The following CD80 variants were observed in gnomAD, a reference collection of about 807,000 sequenced individuals.
CD80 encodes T-lymphocyte activation antigen CD80.
A neutral mutation model predicts 27.1 loss-of-function variants in CD80; 13 were observed. The observed-to-expected ratio is 0.48, with a 90% CI of 0.31 to 0.76. CD80 has a LOEUF of 0.76. CD80 is among the 30% of genes least tolerant of loss of function. CD80 has a pLI of 0.04. For synonymous variants in CD80, 125 were observed against 125.5 expected (o/e 1.00, Z 0.03); for missense variants, 277 against 347.9 (o/e 0.80, Z 1.62).
At chr3:119,540,783 TC>T (rs1164937276) in intron 3 of CD80, among the ~76,000 whole-genome samples, 2 of 152,170 alleles carry the variant, frequency 1.3e-5, no homozygotes. Flanking sequence ...GTGTGCTGGC[TC>T]ATGCCTGTAA....
At chr3:119,527,529 C>A in intron 6 of CD80, 1 of 469,676 alleles carries the variant, frequency 2.1e-6, no homozygotes, top group Non-Finnish European at 3.7e-6. Context: ...AGAATGGAAA[C>A]ATGGCAAAAG....
intron 3 of CD80, among the ~76,000 whole-genome samples, chr3:119,543,083 C>G (rs1372801250): frequency 2.0e-5 from 3 of 152,198 alleles, no homozygotes; most frequent in Admixed American, 1.3e-4. Flanking sequence ...TTCCCCCGAC[C>G]CACCTAGTTA....
chr3:119,528,132 A>AACAAAGAAT (rs1396023569), intron 5 of CD80, among the ~76,000 whole-genome samples: 3 of 152,182 alleles, frequency 2.0e-5, no homozygotes, highest in African/African-American at 7.2e-5. Context: ...AGCACTCCAA[A>AACAAAGAAT]ACAAAGAATT....
At chr3:119,550,992 T>C (rs927359395) in intron 2 of CD80, among the ~76,000 whole-genome samples, 5 of 152,376 alleles carry the variant, frequency 3.3e-5, no homozygotes, top group African/African-American at 9.6e-5. Flanking sequence ...TCTTCAGGCT[T>C]GTCTCCAGCT....
At chr3:119,542,883 C>G (rs575453586) in intron 3 of CD80, among the ~76,000 whole-genome samples, 5 of 152,192 alleles carry the variant, frequency 3.3e-5, no homozygotes, top group East Asian at 3.9e-4. Context: ...AGATTCTGAC[C>G]CTCCCTAAAC....
chr3:119,533,108 AC>A (rs1322892455), intron 4 of CD80, among the ~76,000 whole-genome samples: 1 of 152,092 alleles, frequency 6.6e-6, no homozygotes, highest in Non-Finnish European at 1.5e-5. Flanking sequence ...TCCACTCCAC[AC>A]CCATCCACAA....
intron 6 of CD80, among the ~76,000 whole-genome samples, chr3:119,527,270 CAG>C (rs752366393): frequency 2.0e-5 from 3 of 152,102 alleles, no homozygotes; most frequent in Admixed American, 6.6e-5. Context: ...AATGACATGA[CAG>C]AGTAATTCTT....
At position 119,529,835 on chromosome 3, in the gene CD80, T is replaced by C. The variant is rs753935504; in HGVS notation, c.796+7A>G. On this transcript the variant is annotated splice_region_variant and intron_variant, in intron 5 of 6. Transcript: ENST00000264246. ...TGAGATCAGGATGATGGTATGATAGTACTTACAGTAGGTCAGGCAGCATAT... is the reference window on the plus strand; with the variant it reads ...TGAGATCAGGATGATGGTATGATAGCACTTACAGTAGGTCAGGCAGCATAT... 3.9e-6 allele frequency: 6 copies of C among 1,554,386 alleles called. No homozygotes were observed. Among genetic ancestry groups the C allele is most frequent in the Non-Finnish European group, 5.3e-6 (6 of 1,125,800 alleles).
intron 3 of CD80, among the ~76,000 whole-genome samples, chr3:119,540,408 A>G (rs751768598): frequency 3.3e-5 from 5 of 152,226 alleles, no homozygotes; most frequent in Non-Finnish European, 5.9e-5. Flanking sequence ...ATTGCCAGGA[A>G]AGAGGAAAAG....
chr3:119,545,236 C>T (rs1044128668), intron 2 of CD80, among the ~76,000 whole-genome samples: 1 of 151,854 alleles, frequency 6.6e-6, no homozygotes, highest in Non-Finnish European at 1.5e-5. Flanking sequence ...CCCAGCTACT[C>T]GGGAGGCTGA....
At chr3:119,546,863 C>A (rs910946739) in intron 2 of CD80, among the ~76,000 whole-genome samples, 10 of 150,772 alleles carry the variant, frequency 6.6e-5, no homozygotes, top group African/African-American at 2.4e-4. Context: ...TACACGCATT[C>A]ATTTAAACTA....
At chr3:119,532,299 C>G (rs9833154) in intron 4 of CD80, among the ~76,000 whole-genome samples, 2 of 151,666 alleles carry the variant, frequency 1.3e-5, no homozygotes, top group African/African-American at 4.8e-5. Context: ...GTCAGGAGTT[C>G]GAGACCAGCC....
rs1340575368 is a variant in CD80, at chr3:119,525,593, G to C, written c.*195C>G. 6.6e-6 allele frequency: 1 copy of C among 152,454 alleles called. No individual in the cohort carries two copies. The highest frequency in any genetic ancestry group is 2.4e-5 in the African/African-American group (1 of 41,400). 9.4% of individuals were successfully genotyped at this position (152,454 alleles called of 1,614,324 possible). On this transcript the variant is annotated 3_prime_UTR_variant, in exon 7 of 7. Transcript: ENST00000264246. ...CAAAACACCTTGATCAAGGTCACCA[G>C]AGCTACTTCTGTGCCCACCATATTC...
intron 3 of CD80, among the ~76,000 whole-genome samples, chr3:119,542,587 A>G (rs2082175884): frequency 6.6e-6 from 1 of 152,182 alleles, no homozygotes; most frequent in East Asian, 1.9e-4. Context: ...CTGTAATTAA[A>G]GTGAAACCCC....
At chr3:119,529,021 A>G (rs540382278) in intron 5 of CD80, among the ~76,000 whole-genome samples, 3 of 147,860 alleles carry the variant, frequency 2.0e-5, no homozygotes, top group African/African-American at 7.4e-5. Flanking sequence ...GGCTCACTGC[A>G]GTCTCCGCCT....
At chr3:119,541,978 T>C (rs1036231593) in intron 3 of CD80, among the ~76,000 whole-genome samples, 1 of 152,086 alleles carries the variant, frequency 6.6e-6, no homozygotes, top group Admixed American at 6.5e-5. Context: ...GACCTGAGTC[T>C]ACTTCTCTCT....
At chr3:119,531,719 A>G (rs1376417444) in intron 4 of CD80, among the ~76,000 whole-genome samples, 2 of 152,076 alleles carry the variant, frequency 1.3e-5, no homozygotes, top group Non-Finnish European at 2.9e-5. Flanking sequence ...GCTGGAGTGC[A>G]GTGATGTGAT....
At chr3:119,534,675 C>G (rs1484955986) in intron 4 of CD80, among the ~76,000 whole-genome samples, 1 of 152,000 alleles carries the variant, frequency 6.6e-6, no homozygotes, top group Non-Finnish European at 1.5e-5. Context: ...CTGTTTTCTG[C>G]CTTCAATCAG....
chr3:119,540,203 C>T (rs913834046), intron 3 of CD80, among the ~76,000 whole-genome samples: 41 of 152,218 alleles, frequency 2.7e-4, no homozygotes, highest in African/African-American at 9.2e-4. Context: ...CCAGCCTCGG[C>T]CTCCCAAAGT....
Sources: gnomAD v4.1 joint callset for allele counts (sites outside exome capture counted in the v4.1 genomes callset) on GRCh38, gnomAD v4.1.1 for gene constraint, MANE v1.5 for transcripts, NCBI Gene and HGNC (gene_info 2026-07-23, HGNC 2026-07-21) for gene names.